TLE2: variants seen among roughly 807,000 people sequenced by gnomAD.
The protein encoded by TLE2 is transducin-like enhancer protein 2.
Under a neutral mutation model 97.2 loss-of-function variants are expected in TLE2, and 74 were observed. The ratio of observed to expected loss-of-function variants is 0.76; its 90% CI spans 0.63 to 0.92. TLE2 has a LOEUF of 0.92. Among genes scored for constraint, TLE2 ranks in the 40% least tolerant of loss-of-function variants. The probability of loss-of-function intolerance (pLI) is 0.00; values close to 1 mark genes in which losing one functional copy is unlikely to be tolerated. For synonymous variants in TLE2, 499 were observed against 432.1 expected, an observed-to-expected ratio of 1.15 and a Z score of -1.92; for missense variants, 1,038 against 1,008.7, an observed-to-expected ratio of 1.03 and a Z score of -0.39.
chr19:3,015,057 CCAA>C (rs2089673672), intron 9 of TLE2, among the ~76,000 whole-genome samples: 1 of 22,696 alleles, frequency 4.4e-5, no homozygotes, highest in Non-Finnish European at 9.4e-5. Flanking sequence ...AAATTCATTG[CCAA>C]AAAAAAAAAA....
chr19:3,026,546 T>C (rs1027139542), intron 4 of TLE2, among the ~76,000 whole-genome samples: 1 of 150,104 alleles, frequency 6.7e-6, no homozygotes, highest in Non-Finnish European at 1.5e-5. Context: ...TTTTAACACA[T>C]CTCAGCACAT....
rs371939928 is a variant in TLE2, at chr19:3,005,923, G to C, written c.1546C>G (p.Arg516Gly). The change falls in exon 16 of 20, where the codon CGG (arginine) becomes GGG (glycine). Residue 516 changes from arginine (R) to glycine (G), a missense_variant. Coordinates refer to ENST00000262953, the MANE Select transcript of TLE2 (RefSeq NM_003260.5). ...GCCTCACCGCCCACGATCAGACTCCGGCCATCCGGCAGCAACTTGCAGGAA... is the reference window on the plus strand; with the variant it reads ...GCCTCACCGCCCACGATCAGACTCCCGCCATCCGGCAGCAACTTGCAGGAA... ...IRSCKLLPDG[R>G]SLIVGGEAST... 1 of 1,611,712 alleles carries C rather than the reference G, an allele frequency of 6.2e-7. No individual in the cohort carries two copies. The highest frequency in any genetic ancestry group is 1.3e-5 in the African/African-American group (1 of 74,872).
At chr19:3,010,707 A>G (rs993158317) in intron 12 of TLE2, among the ~76,000 whole-genome samples, 1 of 152,124 alleles carries the variant, frequency 6.6e-6, no homozygotes, top group African/African-American at 2.4e-5. Context: ...GCCCGAGGTC[A>G]CCCAGCTGGT....
chr19:3,046,744 G>A (rs1007569225), upstream of TLE2, among the ~76,000 whole-genome samples: 1 of 152,044 alleles, frequency 6.6e-6, no homozygotes, highest in African/African-American at 2.4e-5. Context: ...CTGGGAGAAT[G>A]GTGGGGTCGG....
chr19:3,000,575 ATC>A (rs1204974443), intron 19 of TLE2, 70 bp downstream of exon 19: 17 of 1,403,372 alleles, frequency 1.2e-5, no homozygotes, highest in African/African-American at 5.7e-5. Flanking sequence ...GACAGGGGCA[ATC>A]TCTCTGTCTG....
rs186386394 is a variant in TLE2, at chr19:3,002,335, C to T, written c.2047+18G>A. On this transcript the variant is annotated intron_variant, in intron 18 of 19. Coordinates refer to ENST00000262953, the MANE Select transcript of TLE2 (RefSeq NM_003260.5). ...GTTGGGGTTTTGAGGGCGTGCCACC[C>T]CGCCCCAGAAGACACACCGCAGGAG... The T allele has an allele frequency of 2.5e-6, 4 of 1,589,190 alleles. No individual in the cohort carries two copies. The East Asian group carries it at 9.1e-5, about 36-fold the overall frequency.
intron 2 of TLE2, 63 bp from the exon 3 acceptor site, chr19:3,028,445 A>G: frequency 6.7e-7 from 1 of 1,496,094 alleles, no homozygotes; most frequent in South Asian, 1.3e-5. Flanking sequence ...TTCCAAAGTG[A>G]GAGGCTGGAT....
At chr19:3,028,829 A>T in intron 1 of TLE2, 26 bp from the exon 2 acceptor site, 1 of 1,612,096 alleles carries the variant, frequency 6.2e-7, no homozygotes. Context: ...GGGAAACGTC[A>T]GGGTCTGAGT....
At chr19:3,013,128 T>C (rs773792659) in intron 11 of TLE2, among the ~76,000 whole-genome samples, 5 of 151,856 alleles carry the variant, frequency 3.3e-5, no homozygotes, top group Non-Finnish European at 7.4e-5. Flanking sequence ...TGGAGAAGAT[T>C]TGGGGTGAGG....
At chr19:3,046,677 C>T (rs934018768), upstream of TLE2, among the ~76,000 whole-genome samples, 2 of 151,962 alleles carry the variant, frequency 1.3e-5, no homozygotes, top group Non-Finnish European at 2.9e-5. Flanking sequence ...AATCGAGGCC[C>T]AGCGGGCAGG....
intron 11 of TLE2, among the ~76,000 whole-genome samples, chr19:3,012,451 G>A (rs1236277160): frequency 6.6e-6 from 1 of 152,100 alleles, no homozygotes; most frequent in Non-Finnish European, 1.5e-5. Context: ...TCCTGTTCTC[G>A]AGTGATCGTC....
Position 3,028,947 on chromosome 19 carries a change from T to C in TLE2, c.-43A>G, listed in dbSNP as rs747113231. On this transcript the variant is annotated 5_prime_UTR_variant, in exon 1 of 20. Coordinates refer to ENST00000262953, the MANE Select transcript of TLE2 (RefSeq NM_003260.5). ...CCCCCCAGGCGCCACCAGAGCTTGA[T>C]GATATGGAGGCGGCAAGAGTGGGGG... 2.5e-6 allele frequency: 4 copies of C among 1,600,914 alleles called. No individual in the cohort carries two copies. The highest frequency in any genetic ancestry group is 3.4e-6 in the Non-Finnish European group (4 of 1,175,054).
Position 3,002,387 on chromosome 19 carries a change from C to T in TLE2, c.2013G>A (p.Glu671=). Residue 671 remains glutamate (E), a synonymous_variant, in exon 18 of 20, where the codon GAG becomes GAA. Coordinates refer to ENST00000262953, the MANE Select transcript of TLE2 (RefSeq NM_003260.5). ...CAAACTTCAGGGACAGCACGCAGCT[C>T]TCGTGGAGGTGCAGCTGGTATTTCT... ...KPEKYQLHLH[E]SCVLSLKFAS... is the part of the protein sequence containing the mutation. 1 of 1,613,748 alleles carries T rather than the reference C, an allele frequency of 6.2e-7. No homozygotes were observed. The highest frequency in any genetic ancestry group is 8.5e-7 in the Non-Finnish European group (1 of 1,179,848).
chr19:3,018,164 C>A (rs59471021), intron 7 of TLE2, among the ~76,000 whole-genome samples: 6,905 of 152,230 alleles, frequency 0.045, 174 homozygotes, highest in South Asian at 0.066. Context: ...TGGGGTCTTG[C>A]TCTGTTGCCC....
rs1381418965 is a variant in TLE2, at chr19:3,006,423, G to A, written c.1497C>T (p.Cys499=). Reference sequence around the variant, plus strand: ...CACTGTCCCACCCCGCCCTCACCAGGCAGTCGAGCTGGGCCACGGGCGTCT... The same window carrying A: ...CACTGTCCCACCCCGCCCTCACCAGACAGTCGAGCTGGGCCACGGGCGTCT... ...GAKTPVAQLD[C]LNRDNYIRSC... The change falls in exon 15 of 20, where the codon TGC becomes TGT. Residue 499 remains cysteine (C), a synonymous_variant. Transcript: ENST00000262953. 1 of 1,609,762 alleles carries A rather than the reference G, an allele frequency of 6.2e-7. No homozygotes were observed. Among genetic ancestry groups the A allele is most frequent in the East Asian group, 2.2e-5 (1 of 44,852 alleles).
chr19:3,043,264 C>T (rs1275799465), intron 1 of TLE2, among the ~76,000 whole-genome samples: 2 of 151,856 alleles, frequency 1.3e-5, no homozygotes, highest in African/African-American at 4.8e-5. Context: ...CACAATCGTA[C>T]ACTACCATGC....
At position 3,029,092 on chromosome 19, in the gene TLE2, G is replaced by A; in HGVS notation, c.-188C>T. The A allele has an allele frequency of 7.9e-7, 1 of 1,259,134 alleles. No homozygotes were observed. The highest frequency in any genetic ancestry group is 1.0e-6 in the Non-Finnish European group (1 of 999,932). The allele number at this position is 1,259,134 out of a possible 1,614,324, so 78.0% of individuals were successfully genotyped here. On this transcript the variant is annotated 5_prime_UTR_variant, in exon 1 of 20. Coordinates refer to ENST00000262953, the MANE Select transcript of TLE2 (RefSeq NM_003260.5). Reference sequence around the variant, plus strand: ...CCAAGCGCGCGCGCCCGGGGTCGTGGGAGCCCCTCCCCGGGTTGGGGTGCG... The same window carrying A: ...CCAAGCGCGCGCGCCCGGGGTCGTGAGAGCCCCTCCCCGGGTTGGGGTGCG...
At position 3,005,588 on chromosome 19, in the gene TLE2, G is replaced by A. The variant is rs754925988; in HGVS notation, c.1749-4C>T. On this transcript the variant is annotated splice_region_variant and splice_polypyrimidine_tract_variant and intron_variant, in intron 16 of 19. Coordinates refer to ENST00000262953, the MANE Select transcript of TLE2 (RefSeq NM_003260.5). ...GTCCGTGTGGCCCTGGAACTGCCTG[G>A]AGGGAGAAGGGCCCAGGCGTCCATC... The A allele has an allele frequency of 6.2e-7, 1 of 1,613,104 alleles. No homozygotes were observed. Among genetic ancestry groups the A allele is most frequent in the Non-Finnish European group, 8.5e-7 (1 of 1,179,560 alleles).
At chr19:3,039,832 C>T (rs540417275) in intron 1 of TLE2, among the ~76,000 whole-genome samples, 1 of 152,330 alleles carries the variant, frequency 6.6e-6, no homozygotes, top group South Asian at 2.1e-4. Flanking sequence ...ATCACACTAC[C>T]TCCAGAGGCT....
Sources: allele counts gnomAD v4.1 joint callset (sites outside exome capture counted in the v4.1 genomes callset), GRCh38; gene constraint gnomAD v4.1.1; transcripts MANE v1.5; gene names NCBI Gene and HGNC (gene_info 2026-07-23, HGNC 2026-07-21).